ATXN2: variants seen among roughly 807,000 people sequenced by gnomAD.
The protein encoded by ATXN2 is ataxin 2.
Under a neutral mutation model 138.6 loss-of-function variants are expected in ATXN2, and 37 were observed. That is an observed-to-expected ratio of 0.27 (90% CI 0.21 to 0.35). The LOEUF (loss-of-function observed/expected upper bound fraction) is 0.35, where lower values mean the gene tolerates loss of function less well. ATXN2 is among the 10% of genes least tolerant of loss of function. The pLI is 1.00. For synonymous variants in ATXN2, 549 were observed against 543.7 expected (o/e 1.01, Z -0.13); for missense variants, 1,216 against 1,480.3 (o/e 0.82, Z 2.93).
intron 18 of ATXN2, among the ~76,000 whole-genome samples, chr12:111,473,160 G>T (rs769664746): frequency 6.6e-6 from 1 of 151,836 alleles, no homozygotes; most frequent in African/African-American, 2.4e-5. Flanking sequence ...TGTAGTCCCA[G>T]CTACTTGGGA....
intron 14 of ATXN2, among the ~76,000 whole-genome samples, chr12:111,494,871 G>C (rs1878310068): frequency 6.6e-6 from 1 of 152,084 alleles, no homozygotes. Context: ...AAAAAAGAAG[G>C]GGGAAGGGAG....
Position 111,453,296 on chromosome 12 carries a change from C to A in ATXN2, c.3439+381G>T. The A allele has an allele frequency of 9.4e-7, 1 of 1,062,150 alleles. No homozygotes were observed. Among genetic ancestry groups the A allele is most frequent in the Non-Finnish European group, 1.1e-6 (1 of 880,352 alleles). The allele number at this position is 1,062,150 out of a possible 1,614,324, so 65.8% of individuals were successfully genotyped here. A position where few individuals can be genotyped will look rare whatever the true frequency, so the allele number is the denominator to read the frequency against. ...TTTCTCAGCAGTATCTTCTCCAGAG[C>A]TACAATCAAACTCTGCCATGGTAAT... On this transcript the variant is annotated intron_variant, in intron 24 of 24. Transcript: ENST00000673436. The surrounding 1 kb of genome is among the most constrained non-coding windows in gnomAD (Gnocchi z 5.4).
intron 11 of ATXN2, chr12:111,511,020 T>G (rs879130158): frequency 6.4e-6 from 1 of 155,470 alleles, no homozygotes; most frequent in African/African-American, 2.4e-5. Context: ...TGAGCCACCA[T>G]GCCCAGCCCT....
At chr12:111,568,576 C>A (rs1414209887) in intron 1 of ATXN2, among the ~76,000 whole-genome samples, 1 of 152,186 alleles carries the variant, frequency 6.6e-6, no homozygotes, top group Admixed American at 6.6e-5. Flanking sequence ...CTCTAACCCC[C>A]TTCCAGTAAA....
chr12:111,582,319 CAT>C (rs944965746), intron 1 of ATXN2, among the ~76,000 whole-genome samples: 5 of 139,640 alleles, frequency 3.6e-5, no homozygotes, highest in African/African-American at 8.2e-5. Context: ...ATGGCACACA[CAT>C]GTGGTCCCAA....
intron 18 of ATXN2, among the ~76,000 whole-genome samples, chr12:111,483,692 T>C (rs1877434923): frequency 6.6e-6 from 1 of 152,070 alleles, no homozygotes; most frequent in Non-Finnish European, 1.5e-5. Flanking sequence ...TGGGATTTTT[T>C]CTACGAAGGC....
chr12:111,556,208 C>T (rs1882380635), intron 1 of ATXN2, among the ~76,000 whole-genome samples: 1 of 151,986 alleles, frequency 6.6e-6, no homozygotes, highest in Admixed American at 6.6e-5. Flanking sequence ...AAAACTAATG[C>T]TAAACGTAAA....
intron 1 of ATXN2, among the ~76,000 whole-genome samples, chr12:111,583,739 C>A (rs576429830): frequency 9.8e-5 from 13 of 132,596 alleles, no homozygotes; most frequent in African/African-American, 3.1e-4. Flanking sequence ...TGCACTCCAG[C>A]CTGGGCAACA....
At chr12:111,485,479 C>T in intron 17 of ATXN2, 148 bp from the exon 18 acceptor site, 1 of 965,934 alleles carries the variant, frequency 1.0e-6, no homozygotes, top group Non-Finnish European at 1.5e-6. Context: ...ATCATACCCA[C>T]AGCTAAAAGG....
intron 1 of ATXN2, among the ~76,000 whole-genome samples, chr12:111,577,151 A>G (rs968417715): frequency 2.6e-5 from 4 of 152,040 alleles, no homozygotes; most frequent in African/African-American, 7.2e-5. Context: ...AAGTTGTACA[A>G]AACACTTGTT....
At position 111,595,237 on chromosome 12, in the gene ATXN2, T is replaced by C. The variant is rs542956819; in HGVS notation, c.251+3547A>G. Among the ~76,000 whole-genome samples the C allele has an allele frequency of 2.0e-5, 3 of 152,250 alleles. No homozygotes were observed. The South Asian group carries it at 6.2e-4, about 32-fold the overall frequency. On this transcript the variant is annotated intron_variant, in intron 1 of 24. Transcript: ENST00000673436. ...ACTAGTAAAACCACTCTTGGTAACT[T>C]TCTCTAAGGAAATAATTACACTGAA...
rs746541541 is a variant in ATXN2 at position 111,513,383 on chromosome 12, C to T, written c.1532G>A (p.Gly511Glu). ...CCCACTGACCACTGATGACCACGTT[C>T]CCCCCGAGGGACTGGTCCTTGCTAC... ...PPVARTSPSG[G>E]TWSSVVSGVP... is the part of the protein sequence containing the mutation. Residue 511 changes from glycine to glutamate, a missense_variant, in exon 11 of 25, where the codon GGA becomes GAA. Around this residue, in one of 4 missense-constraint regions of ATXN2, gnomAD observed 215 missense variants for 210.0 expected, o/e 1.02. Transcript: ENST00000673436. 6.2e-7 allele frequency: 1 copy of T among 1,613,080 alleles called. No homozygotes were observed. Among genetic ancestry groups the T allele is most frequent in the Non-Finnish European group, 8.5e-7 (1 of 1,179,516 alleles).
At position 111,468,005 on chromosome 12, in the gene ATXN2, TA is replaced by T. The variant is rs763172445; in HGVS notation, c.2842+2102del. ...TCCAAATGCAATGGAAATTTTAGCT[TA>T]AAAGTTTCAGATCTGATTCCAAGGG... is the stretch of plus-strand genomic sequence containing the variant. On this transcript the variant is annotated intron_variant, in intron 20 of 24. Transcript: ENST00000673436. 3.7e-4 allele frequency among the ~76,000 whole-genome samples: 57 copies of T among 152,252 alleles called. 1 individual carries two copies. The highest frequency in any genetic ancestry group is 2.4e-4 in the Non-Finnish European group (16 of 68,034).
intron 5 of ATXN2, among the ~76,000 whole-genome samples, chr12:111,551,295 C>CAAA (rs57267901): frequency 2.4e-5 from 2 of 82,218 alleles, no homozygotes; most frequent in African/African-American, 3.5e-5. Flanking sequence ...GACTCCGTCT[C>CAAA]AAAAAAAAAA....
At chr12:111,565,968 G>A (rs538030835) in intron 1 of ATXN2, among the ~76,000 whole-genome samples, 10 of 148,938 alleles carry the variant, frequency 6.7e-5, no homozygotes, top group South Asian at 2.1e-4. Flanking sequence ...TGCACTCCAC[G>A]CTGGGAAACA....
chr12:111,493,418 CA>C (rs59185968), intron 14 of ATXN2, among the ~76,000 whole-genome samples: 87 of 45,630 alleles, frequency 1.9e-3, no homozygotes, highest in South Asian at 0.015. Flanking sequence ...GACTCTGTCT[CA>C]AAAAAAAAAA....
chr12:111,564,168 G>T (rs990428146), intron 1 of ATXN2, among the ~76,000 whole-genome samples: 1 of 152,094 alleles, frequency 6.6e-6, no homozygotes, highest in African/African-American at 2.4e-5. Flanking sequence ...ATTCACACTT[G>T]GTCAGGAACT....
intron 1 of ATXN2, among the ~76,000 whole-genome samples, chr12:111,572,311 G>C (rs1483980937): frequency 2.0e-5 from 3 of 151,340 alleles, no homozygotes; most frequent in Admixed American, 6.6e-5. Flanking sequence ...TGAGGCAGGA[G>C]AATCACTTGA....
intron 20 of ATXN2, chr12:111,469,840 C>T (rs1347961695): frequency 9.5e-6 from 4 of 422,876 alleles, no homozygotes; most frequent in Non-Finnish European, 1.7e-5. Context: ...AGAAAGGTAC[C>T]TTTCTCCACA....
Sources: allele counts gnomAD v4.1 joint callset (sites outside exome capture counted in the v4.1 genomes callset), GRCh38; gene constraint gnomAD v4.1.1; regional missense constraint gnomAD v4.1.1; non-coding constraint Gnocchi (gnomAD v3.1); transcripts MANE v1.5; gene names NCBI Gene and HGNC (gene_info 2026-07-23, HGNC 2026-07-21).